The following LPP variants were observed in gnomAD, a reference collection of about 807,000 sequenced individuals.
LPP encodes the protein lipoma-preferred partner.
In LPP, 38 loss-of-function variants were observed where a neutral mutation model predicts 60.4. That is an observed-to-expected ratio of 0.63 (90% CI 0.49 to 0.83). LPP has a LOEUF of 0.83. Among genes scored for constraint, LPP ranks in the 40% least tolerant of loss-of-function variants. LPP has a pLI of 0.00. For missense variants in LPP, 902 were observed against 783.6 expected (o/e 1.15, Z -1.80); for synonymous variants, 328 against 290.8 (o/e 1.13, Z -1.30).
intron 4 of LPP, among the ~76,000 whole-genome samples, chr3:188,415,692 T>C (rs78399223): frequency 0.046 from 6,845 of 149,242 alleles, 234 homozygotes; most frequent in East Asian, 0.21. Flanking sequence ...AAAGGTTACA[T>C]GTATTATATG....
intron 3 of LPP, among the ~76,000 whole-genome samples, chr3:188,376,261 G>T (rs1410180386): frequency 5.3e-5 from 8 of 151,630 alleles, no homozygotes; most frequent in Non-Finnish European, 8.8e-5. Context: ...GGGTATCCTT[G>T]TTAACTTTCT....
intron 8 of LPP, among the ~76,000 whole-genome samples, chr3:188,719,285 G>A (rs998267081): frequency 6.6e-6 from 1 of 152,152 alleles, no homozygotes; most frequent in African/African-American, 2.4e-5. Context: ...TGGATTGGAT[G>A]GATAGGGCAT....
intron 2 of LPP, among the ~76,000 whole-genome samples, chr3:188,337,782 G>A (rs955324363): frequency 2.0e-5 from 3 of 152,280 alleles, no homozygotes; most frequent in East Asian, 1.9e-4. Flanking sequence ...CTACAGGCAC[G>A]AACCATCGTG....
chr3:188,191,454 G>A (rs1728160002), intron 1 of LPP, among the ~76,000 whole-genome samples: 1 of 152,198 alleles, frequency 6.6e-6, no homozygotes, highest in Non-Finnish European at 1.5e-5. Context: ...GGCATCAGAG[G>A]ACCATTAAAG....
At chr3:188,204,063 C>G (rs1732462329) in intron 1 of LPP, among the ~76,000 whole-genome samples, 1 of 152,122 alleles carries the variant, frequency 6.6e-6, no homozygotes, top group Admixed American at 6.6e-5. Context: ...AGTGAAGACA[C>G]TACTGACCAT....
At chr3:188,721,258 T>A in intron 8 of LPP, among the ~76,000 whole-genome samples, 1 of 152,110 alleles carries the variant, frequency 6.6e-6, no homozygotes, top group Non-Finnish European at 1.5e-5. Context: ...TATATTTAAA[T>A]TTTAAAAATA....
At chr3:188,631,063 A>G (rs190394020) in intron 7 of LPP, among the ~76,000 whole-genome samples, 54 of 152,238 alleles carry the variant, frequency 3.5e-4, no homozygotes, top group Admixed American at 2.2e-3. Flanking sequence ...AAAACTATCT[A>G]TTGGGTACTG....
chr3:188,750,865 A>G (rs953077515), intron 8 of LPP, among the ~76,000 whole-genome samples: 1 of 152,184 alleles, frequency 6.6e-6, no homozygotes, highest in Admixed American at 6.5e-5. Context: ...CATTTGCAAC[A>G]TAGTCTTCTG....
Position 188,639,554 on chromosome 3 carries a change from G to T in LPP, c.1113+29710G>T, listed in dbSNP as rs564679108. Among the ~76,000 whole-genome samples the T allele has an allele frequency of 5.1e-3, 769 of 150,718 alleles. 1 individual carries two copies. Among genetic ancestry groups the T allele is most frequent in the Middle Eastern group, 0.01 (3 of 292 alleles). ...ACTAAAGAGCTTCTGCACAGCAAAA[G>T]AAACTACCATCAGAGTGAACAGGCA... is the stretch of plus-strand genomic sequence containing the variant. On this transcript the variant is annotated intron_variant, in intron 7 of 11. Coordinates refer to ENST00000617246, the MANE Select transcript of LPP (RefSeq NM_001375462.1).
chr3:188,476,136 G>A (rs2149574793), intron 4 of LPP, among the ~76,000 whole-genome samples: 1 of 151,978 alleles, frequency 6.6e-6, no homozygotes, highest in East Asian at 1.9e-4. Flanking sequence ...GTGATATTCC[G>A]TTTGATTTAC....
chr3:188,814,492 A>G (rs1751936663), intron 9 of LPP, among the ~76,000 whole-genome samples: 1 of 152,164 alleles, frequency 6.6e-6, no homozygotes, highest in Admixed American at 6.5e-5. Context: ...AAGCTTTTCT[A>G]TTCACTTCTA....
At chr3:188,384,977 G>A (rs1343072160) in intron 3 of LPP, among the ~76,000 whole-genome samples, 1 of 151,738 alleles carries the variant, frequency 6.6e-6, no homozygotes, top group Non-Finnish European at 1.5e-5. Context: ...ATACAGACCA[G>A]TACCCAGCCT....
In LPP at chr3:188,805,272, T is replaced by C. The variant is rs1577673578; in HGVS notation, c.1410+44990T>C. Among the ~76,000 whole-genome samples the C allele has an allele frequency of 2.0e-5, 3 of 152,064 alleles. No individual in the cohort carries two copies. In the South Asian group the frequency reaches 6.2e-4, roughly 31 times the overall value. The stretch of plus-strand genomic sequence containing the variant: ...GGAAGAATTTGTATGGAATTGGTAT[T>C]ATTATTTAAATGTTTGGTACAGTTT... On this transcript the variant is annotated intron_variant, in intron 9 of 11. Transcript: ENST00000617246.
At chr3:188,333,947 A>G (rs1418283506) in intron 2 of LPP, among the ~76,000 whole-genome samples, 3 of 152,202 alleles carry the variant, frequency 2.0e-5, no homozygotes, top group Admixed American at 1.3e-4. Context: ...TAGTGATTCT[A>G]TAGTGCTGTA....
At chr3:188,446,541 T>TTGTTTTTATTTGTTTGTAAACAATC (rs1795274754) in intron 4 of LPP, among the ~76,000 whole-genome samples, 1 of 152,258 alleles carries the variant, frequency 6.6e-6, no homozygotes, top group Admixed American at 6.5e-5. Flanking sequence ...TTATTTTTCT[T>TTGTTTTTATTTGTTTGTAAACAATC]TGTTTTTATT....
Position 188,882,697 on chromosome 3 carries a change from C to G in LPP, c.*8218C>G, listed in dbSNP as rs1236073577. On this transcript the variant is annotated 3_prime_UTR_variant, in exon 12 of 12. Coordinates refer to ENST00000617246, the MANE Select transcript of LPP (RefSeq NM_001375462.1). ...AAGGACTTCCCAGCCATCTTTTCTA[C>G]TTGGTATTAAAATTCCCTTACAGAT... 1 of 208,526 alleles carries G rather than the reference C, an allele frequency of 4.8e-6. No homozygotes were observed. Among genetic ancestry groups the G allele is most frequent in the Non-Finnish European group, 9.7e-6 (1 of 102,616 alleles). 12.9% of individuals were successfully genotyped at this position (208,526 alleles called of 1,614,324 possible).
intron 2 of LPP, among the ~76,000 whole-genome samples, chr3:188,226,181 G>A (rs1238199842): frequency 6.6e-6 from 1 of 151,964 alleles, no homozygotes; most frequent in Non-Finnish European, 1.5e-5. Flanking sequence ...GCTAATTTTT[G>A]TATTTTCAGT....
At chr3:188,707,790 G>A (rs144111386) in intron 7 of LPP, among the ~76,000 whole-genome samples, 1 of 152,048 alleles carries the variant, frequency 6.6e-6, no homozygotes, top group African/African-American at 2.4e-5. Context: ...GCTGAATAAG[G>A]CCTAGCCTGC....
At chr3:188,229,800 G>A (rs1017601053) in intron 2 of LPP, among the ~76,000 whole-genome samples, 2 of 152,138 alleles carry the variant, frequency 1.3e-5, no homozygotes, top group African/African-American at 4.8e-5. Flanking sequence ...TCTACATTAG[G>A]CATGGCCTTA....
Sources: allele counts gnomAD v4.1 joint callset (sites outside exome capture counted in the v4.1 genomes callset), GRCh38; gene constraint gnomAD v4.1.1; transcripts MANE v1.5; gene names NCBI Gene and HGNC (gene_info 2026-07-23, HGNC 2026-07-21).